The following MB variants were observed in gnomAD, a reference collection of about 807,000 sequenced individuals.
MB encodes the protein myoglobin, also known as nitrite reductase MB.
In MB, 10 loss-of-function variants were observed where a neutral mutation model predicts 14.5. That is an observed-to-expected ratio of 0.69 (90% CI 0.43 to 1.17). The LOEUF (loss-of-function observed/expected upper bound fraction) is 1.17, where lower values mean the gene tolerates loss of function less well. Among genes scored for constraint, MB ranks in the 50% most tolerant of loss-of-function variants. The probability of loss-of-function intolerance (pLI) is 0.00; values close to 1 mark genes in which losing one functional copy is unlikely to be tolerated. For synonymous variants in MB, 89 were observed against 78.6 expected (o/e 1.13, Z -0.70); for missense variants, 169 against 192.7 (o/e 0.88, Z 0.73).
At position 35,607,006 on chromosome 22, in the gene MB, T is replaced by C. The variant is rs1056680; in HGVS notation, c.*291A>G. 20,808 of 291,352 alleles carry C rather than the reference T, an allele frequency of 0.071. 804 individuals carry two copies. Among genetic ancestry groups the C allele is most frequent in the Non-Finnish European group, 0.081 (12,676 of 156,368 alleles). The allele number at this position is 291,352 out of a possible 1,614,324, so 18.0% of individuals were successfully genotyped here. A position where few individuals can be genotyped will look rare whatever the true frequency, so the allele number is the denominator to read the frequency against. ...CAGCCAGTTTGGAGGTTGGAAGAAG[T>C]TCGGTTGGGATTTAGAAGAAAGGAC... On this transcript the variant is annotated 3_prime_UTR_variant, in exon 3 of 3. Transcript: ENST00000397326.
In MB at chr22:35,608,922, CTG is replaced by C. The variant is rs1481527664; in HGVS notation, c.319-1481_319-1480del. ...AATCTGTCCACAGGTGAGGTGGAGA[CTG>C]TCTTATGAACAGCGCAGAGCGAAGG... On this transcript the variant is annotated intron_variant, in intron 2 of 2. Coordinates refer to ENST00000397326, the MANE Select transcript of MB (RefSeq NM_005368.3). This position sits in a 1 kb window ranked among gnomAD's most constrained non-coding sequence, Gnocchi z 4.3. Among the ~76,000 whole-genome samples, 7 of 152,202 alleles carry C rather than the reference CTG, an allele frequency of 4.6e-5. No individual in the cohort carries two copies. The highest frequency in any genetic ancestry group is 1.0e-4 in the Non-Finnish European group (7 of 68,040).
At chr22:35,609,338 G>A (rs1266473699) in intron 2 of MB, among the ~76,000 whole-genome samples, 1 of 152,186 alleles carries the variant, frequency 6.6e-6, no homozygotes. Flanking sequence ...CGTGGGCCTG[G>A]GGTTCCAAGC....
rs113313780 is a variant in MB, at chr22:35,607,287, C to T, written c.*10G>A. The T allele has an allele frequency of 1.0e-4, 166 of 1,607,284 alleles. No individual in the cohort carries two copies. Among genetic ancestry groups the T allele is most frequent in the South Asian group, 7.7e-4 (70 of 90,724 alleles). On this transcript the variant is annotated 3_prime_UTR_variant, in exon 3 of 3. Transcript: ENST00000397326. The stretch of plus-strand genomic sequence containing the variant: ...GGGCCCAGATGGGTGGGGGTGGGAG[C>T]GGCAGGGGCCTAGCCCTGGAAGCCC...
At chr22:35,610,757 G>A in intron 2 of MB, 127 bp downstream of exon 2, 2 of 705,538 alleles carry the variant, frequency 2.8e-6, no homozygotes, top group South Asian at 3.7e-5. Flanking sequence ...GAGAAACCTG[G>A]GGCACAGAGA....
upstream of MB, chr22:35,617,531 G>T: frequency 2.2e-6 from 1 of 453,078 alleles, no homozygotes; most frequent in Non-Finnish European, 3.9e-6. Flanking sequence ...GACAGCTCAG[G>T]CCACAGGGGG....
chr22:35,614,980 A>T (rs1041078490), intron 1 of MB, among the ~76,000 whole-genome samples: 1 of 152,214 alleles, frequency 6.6e-6, no homozygotes, highest in African/African-American at 2.4e-5. Flanking sequence ...AGGGGTGTGG[A>T]GCCCACTCAG....
In MB at chr22:35,608,714, G is replaced by A. The variant is rs375155724; in HGVS notation, c.319-1271C>T. ...CAAGTTCCAGGGCCACCTATGCCCCGACTCCATGTGTGACTTCACCCACCC... is the reference window on the plus strand; with the variant it reads ...CAAGTTCCAGGGCCACCTATGCCCCAACTCCATGTGTGACTTCACCCACCC... On this transcript the variant is annotated intron_variant, in intron 2 of 2. Transcript: ENST00000397326. The surrounding 1 kb of genome is among the most constrained non-coding windows in gnomAD (Gnocchi z 4.3). Among the ~76,000 whole-genome samples the A allele has an allele frequency of 2.6e-5, 4 of 152,280 alleles. No individual in the cohort carries two copies. The East Asian group carries it at 7.7e-4, about 29-fold the overall frequency.
chr22:35,620,698 GT>G (rs1483795109), upstream of MB, among the ~76,000 whole-genome samples: 1 of 152,200 alleles, frequency 6.6e-6, no homozygotes, highest in African/African-American at 2.4e-5. Flanking sequence ...GCAATGTGCG[GT>G]TTTCAAATGC....
At chr22:35,619,938 C>A (rs1923358802), upstream of MB, among the ~76,000 whole-genome samples, 1 of 152,232 alleles carries the variant, frequency 6.6e-6, no homozygotes. Context: ...GGCGCCCCTT[C>A]CCTAGTGACC....
intron 1 of MB, among the ~76,000 whole-genome samples, chr22:35,616,610 A>G (rs1923096984): frequency 6.6e-6 from 1 of 152,168 alleles, no homozygotes; most frequent in South Asian, 2.1e-4. Context: ...CCTCTAGGAT[A>G]TAGATATTAG....
chr22:35,612,831 T>G (rs1398965521), intron 1 of MB, among the ~76,000 whole-genome samples: 7 of 152,206 alleles, frequency 4.6e-5, no homozygotes, highest in Non-Finnish European at 2.9e-5. Flanking sequence ...TGTACATGCA[T>G]GCAGGCTCTC....
chr22:35,612,580 C>T (rs1342308093), intron 1 of MB, among the ~76,000 whole-genome samples: 1 of 152,088 alleles, frequency 6.6e-6, no homozygotes, highest in Non-Finnish European at 1.5e-5. Flanking sequence ...CCTCAGCCTC[C>T]CAAAGTGCTG....
Position 35,607,318 on chromosome 22 carries a change from C to A in MB, c.444G>T (p.Lys148Asn), listed in dbSNP as rs1389929885. ...GGGCCTAGCCCTGGAAGCCCAGCTCCTTGTAGTTGGAGGCCATGTCCTTCC... is the reference window on the plus strand; with the variant it reads ...GGGCCTAGCCCTGGAAGCCCAGCTCATTGTAGTTGGAGGCCATGTCCTTCC... Reference protein sequence around the residue: ...LFRKDMASNYKELGFQG With the variant: ...LFRKDMASNYNELGFQG The change falls in exon 3 of 3, where the codon AAG becomes AAT. Residue 148 changes from lysine (K) to asparagine (N), a missense_variant. Coordinates refer to ENST00000397326, the MANE Select transcript of MB (RefSeq NM_005368.3). The A allele has an allele frequency of 1.2e-6, 2 of 1,613,586 alleles. No individual in the cohort carries two copies. The highest frequency in any genetic ancestry group is 2.7e-5 in the African/African-American group (2 of 74,934).
At chr22:35,619,782 C>T (rs1923346283), upstream of MB, among the ~76,000 whole-genome samples, 1 of 152,230 alleles carries the variant, frequency 6.6e-6, no homozygotes, top group African/African-American at 2.4e-5. Flanking sequence ...CTGTGTGGGT[C>T]TCTAAAGCCT....
intron 1 of MB, 91 bp downstream of exon 1, chr22:35,617,072 C>A (rs45485197): frequency 0.014 from 13,232 of 952,460 alleles, 118 homozygotes; most frequent in Non-Finnish European, 0.019. Context: ...AGCCAACTGA[C>A]CTACCCCACG....
chr22:35,613,597 G>A (rs1226336347), intron 1 of MB, among the ~76,000 whole-genome samples: 1 of 152,216 alleles, frequency 6.6e-6, no homozygotes, highest in Non-Finnish European at 1.5e-5. Context: ...CTGGGCCCAA[G>A]TGATCCTCCT....
At chr22:35,619,769 C>T (rs1444658431), upstream of MB, among the ~76,000 whole-genome samples, 2 of 152,190 alleles carry the variant, frequency 1.3e-5, no homozygotes, top group Non-Finnish European at 2.9e-5. Context: ...GTCAGAACGC[C>T]CTCTGTGTGG....
rs564071120 is a variant in MB, at chr22:35,606,950, A to C, written c.*347T>G. On this transcript the variant is annotated 3_prime_UTR_variant, in exon 3 of 3. Transcript: ENST00000397326. ...GATTAATCAGACAATTGCTACTGTC[A>C]GGTGTAGTTAATGGCTTGGATTTGG... The C allele has an allele frequency of 3.0e-5, 6 of 202,444 alleles. No homozygotes were observed. In the South Asian group the frequency reaches 4.5e-4, roughly 15 times the overall value. The allele number at this position is 202,444 out of a possible 1,614,324, so 12.5% of individuals were successfully genotyped here.
upstream of MB, among the ~76,000 whole-genome samples, chr22:35,621,255 T>C (rs547747199): frequency 6.6e-6 from 1 of 152,316 alleles, no homozygotes; most frequent in Admixed American, 6.5e-5. Context: ...CACATTAGTC[T>C]GATACCCAGT....
Sources: gnomAD v4.1 joint callset for allele counts (sites outside exome capture counted in the v4.1 genomes callset) on GRCh38, gnomAD v4.1.1 for gene constraint, Gnocchi (gnomAD v3.1) non-coding constraint, MANE v1.5 for transcripts, NCBI Gene and HGNC (gene_info 2026-07-23, HGNC 2026-07-21) for gene names.